NWD1: variants seen among roughly 807,000 people sequenced by gnomAD.
NWD1 encodes the protein NACHT domain- and WD repeat-containing protein 1.
NWD1 carries 129 observed loss-of-function variants against 135.1 expected under a neutral mutation model. That is an observed-to-expected ratio of 0.96 (90% CI 0.83 to 1.11). The LOEUF (loss-of-function observed/expected upper bound fraction) is 1.11, where lower values mean the gene tolerates loss of function less well. Among genes scored for constraint, NWD1 ranks in the 50% least tolerant of loss-of-function variants. NWD1 has a pLI of 0.00. For synonymous variants in NWD1, 773 were observed against 786.0 expected (o/e 0.98, Z 0.28); for missense variants, 1,740 against 1,851.3 (o/e 0.94, Z 1.10).
rs1332215761 is a variant in NWD1, at chr19:16,737,636, G to A, written c.198+886G>A. Among the ~76,000 whole-genome samples, 4 of 148,830 alleles carry A rather than the reference G, an allele frequency of 2.7e-5. No individual in the cohort carries two copies. The Admixed American group carries it at 2.7e-4, about 10-fold the overall frequency. The stretch of plus-strand genomic sequence containing the variant: ...GGCCTGAGTCCTAATTTATTACATC[G>A]AGTTCCAGATACATCCAAGAACGAT... On this transcript the variant is annotated intron_variant, in intron 4 of 18. Transcript: ENST00000524140.
At position 16,762,074 on chromosome 19, in the gene NWD1, G is replaced by A. The variant is rs748679433; in HGVS notation, c.2069G>A (p.Ser690Asn). The A allele has an allele frequency of 3.1e-6, 5 of 1,614,100 alleles. No individual in the cohort carries two copies. The highest frequency in any genetic ancestry group is 3.4e-6 in the Non-Finnish European group (4 of 1,179,998). Residue 690 changes from serine (S) to asparagine (N), a missense_variant, in exon 8 of 19, where the codon AGC becomes AAC. By Grantham distance (46) the Ser-to-Asn change is conservative. Transcript: ENST00000524140. ...VLADFFSGTW[S>N]QGTKKLITLP... Reference sequence around the variant, plus strand: ...GCCGACTTCTTCTCAGGGACCTGGAGCCAGGGTACCAAGAAGCTCATCACT... The same window carrying A: ...GCCGACTTCTTCTCAGGGACCTGGAACCAGGGTACCAAGAAGCTCATCACT...
chr19:16,808,494 G>A (rs1221821559), intron 18 of NWD1, among the ~76,000 whole-genome samples: 13 of 151,346 alleles, frequency 8.6e-5, no homozygotes, highest in African/African-American at 3.2e-4. Context: ...AGGTTGCAGT[G>A]AGCCAAGATC....
intron 3 of NWD1, among the ~76,000 whole-genome samples, chr19:16,735,485 G>A (rs1424571131): frequency 2.7e-5 from 4 of 150,362 alleles, no homozygotes; most frequent in African/African-American, 9.8e-5. Context: ...CAGCCTGGGT[G>A]ACAGAGCAAG....
chr19:16,790,534 T>G (rs940254420), intron 13 of NWD1, among the ~76,000 whole-genome samples: 1 of 151,664 alleles, frequency 6.6e-6, no homozygotes, highest in African/African-American at 2.4e-5. Flanking sequence ...AAAACCTAGA[T>G]GACGGGTTGA....
chr19:16,800,429 G>C (rs1010576365), intron 17 of NWD1, among the ~76,000 whole-genome samples: 3 of 70,618 alleles, frequency 4.2e-5, no homozygotes, highest in Admixed American at 1.1e-4. Flanking sequence ...AGCTACTTGC[G>C]AGGCTGAGGC....
At chr19:16,775,730 G>A (rs111850406) in intron 11 of NWD1, among the ~76,000 whole-genome samples, 6,899 of 152,132 alleles carry the variant, frequency 0.045, 498 homozygotes, top group African/African-American at 0.16. Flanking sequence ...GTGCAGTGGC[G>A]CAATCTCGGC....
chr19:16,779,431 G>A lies in NWD1; in HGVS notation c.2697G>A (p.Glu899=). 1.2e-6 allele frequency: 2 copies of A among 1,613,540 alleles called. No individual in the cohort carries two copies. Among genetic ancestry groups the A allele is most frequent in the Non-Finnish European group, 1.7e-6 (2 of 1,179,828 alleles). ...TCATGGCTGTGTGGGACATGGAAGA[G>A]CAGCATGTGATCCACATGCTAACTG... ...DGIMAVWDME[E]QHVIHMLTGH... The change falls in exon 12 of 19, where the codon GAG becomes GAA. Residue 899 remains glutamate, a synonymous_variant. Transcript: ENST00000524140.
chr19:16,726,110 G>T (rs924092668), intron 2 of NWD1, among the ~76,000 whole-genome samples: 1 of 151,890 alleles, frequency 6.6e-6, no homozygotes, highest in African/African-American at 2.4e-5. Flanking sequence ...TTACAGGCAT[G>T]CACCACCAAA....
rs963453075 is a variant in NWD1, at chr19:16,767,982, CTTTTTTTTTTTTT to C, written c.2410+2803_2410+2815del. On this transcript the variant is annotated intron_variant, in intron 10 of 18. Transcript: ENST00000524140. ...TGTAGCATATGTCAGAATTTCCTTC[CTTTTTTTTTTTTT>C]TTTTTTTTTTTTGCACGACAGAGTC... Among the ~76,000 whole-genome samples the C allele has an allele frequency of 4.8e-5, 4 of 83,600 alleles. No homozygotes were observed. The East Asian group carries it at 8.9e-4, about 19-fold the overall frequency. 54.8% of individuals were successfully genotyped at this position (83,600 alleles called of 152,430 possible).
chr19:16,725,023 A>AT, intron 2 of NWD1, among the ~76,000 whole-genome samples: 1 of 144,102 alleles, frequency 6.9e-6, no homozygotes, highest in Non-Finnish European at 1.5e-5. Flanking sequence ...TTATTTTTTT[A>AT]TTTTTTGAGA....
chr19:16,749,366 C>T lies in NWD1; in HGVS notation c.724C>T (p.His242Tyr). Residue 242 changes from histidine (H) to tyrosine (Y), a missense_variant, in exon 6 of 19, where the codon CAC (histidine) becomes TAC (tyrosine). Physicochemically the swap from His to Tyr is moderately conservative, Grantham distance 83. Transcript: ENST00000524140. ...TDMHPGVLKT[H>Y]RLPWSRDLVN... is the part of the protein sequence containing the mutation. ...CATGCACCCAGGGGTCCTCAAGACC[C>T]ACCGCCTGCCGTGGAGCCGCGACTT... is the stretch of plus-strand genomic sequence containing the variant. 6.2e-7 allele frequency: 1 copy of T among 1,613,634 alleles called. No homozygotes were observed. The highest frequency in any genetic ancestry group is 8.5e-7 in the Non-Finnish European group (1 of 1,179,740).
At chr19:16,814,941 T>C in intron 18 of NWD1, 87 bp from the exon 19 acceptor site, 2 of 1,202,320 alleles carry the variant, frequency 1.7e-6, no homozygotes, top group South Asian at 2.8e-5. Flanking sequence ...GCAGGAATTT[T>C]ATTCCATGCA....
At chr19:16,812,887 G>A (rs377676951) in intron 18 of NWD1, 10 of 780,442 alleles carry the variant, frequency 1.3e-5, no homozygotes, top group African/African-American at 8.4e-5. Context: ...ATTGAGCTTC[G>A]ATCTGGAGAG....
At chr19:16,779,104 C>T (rs1969765118) in intron 11 of NWD1, among the ~76,000 whole-genome samples, 1 of 152,180 alleles carries the variant, frequency 6.6e-6, no homozygotes, top group South Asian at 2.1e-4. Context: ...CTTATGACCA[C>T]ACTGTGATGC....
At chr19:16,751,843 TAGTA>T (rs1416575270) in intron 6 of NWD1, among the ~76,000 whole-genome samples, 1 of 95,438 alleles carries the variant, frequency 1.0e-5, no homozygotes. Flanking sequence ...GGAAGGAAGA[TAGTA>T]AGAAAGAAAA....
At chr19:16,756,101 A>AG (rs919070228) in intron 6 of NWD1, among the ~76,000 whole-genome samples, 3 of 152,132 alleles carry the variant, frequency 2.0e-5, no homozygotes, top group Admixed American at 6.6e-5. Flanking sequence ...AAAATCATAA[A>AG]GGGGGGCTGG....
chr19:16,758,622 T>C (rs554624115), intron 6 of NWD1, among the ~76,000 whole-genome samples: 113 of 151,656 alleles, frequency 7.5e-4, no homozygotes, highest in Non-Finnish European at 1.4e-3. Context: ...CAGGGTGGAG[T>C]GGGGTAGGTG....
At chr19:16,757,758 CAT>C (rs1315822343) in intron 6 of NWD1, among the ~76,000 whole-genome samples, 1 of 152,144 alleles carries the variant, frequency 6.6e-6, no homozygotes, top group Non-Finnish European at 1.5e-5. Context: ...GATACCATAT[CAT>C]AGAATTTTGC....
chr19:16,732,654 C>CAAAAAAAAAA (rs759471981), intron 3 of NWD1, among the ~76,000 whole-genome samples: 6 of 30,314 alleles, frequency 2.0e-4, no homozygotes, highest in African/African-American at 1.2e-3. Context: ...GACTTCATCT[C>CAAAAAAAAAA]AAAAAAAAAA....
Sources: allele counts gnomAD v4.1 joint callset (sites outside exome capture counted in the v4.1 genomes callset), GRCh38; gene constraint gnomAD v4.1.1; transcripts MANE v1.5; gene names NCBI Gene and HGNC (gene_info 2026-07-23, HGNC 2026-07-21).